MIR2052HG: variants seen among roughly 807,000 people sequenced by gnomAD.
MIR2052HG encodes MIR2052 host gene.
chr8:74,678,540 G>A lies in MIR2052HG; in HGVS notation n.217-23839G>A, dbSNP rs1809080795. Among the ~76,000 whole-genome samples, 3 of 142,308 alleles carry A rather than the reference G, an allele frequency of 2.1e-5. No homozygotes were observed. In the Admixed American group the frequency reaches 2.2e-4, roughly 10 times the overall value. The allele number at this position is 142,308 out of a possible 152,430, so 93.4% of individuals were successfully genotyped here. A position where few individuals can be genotyped will look rare whatever the true frequency, so the allele number is the denominator to read the frequency against. On this transcript the variant is annotated intron_variant and non_coding_transcript_variant, in intron 2 of 6. Transcript: ENST00000523442. ...ATTGTGCCATTGCACTCCAGCCTGG[G>A]CGATAAGATCTAGAGTTTGTCTCAA...
intron 2 of MIR2052HG, among the ~76,000 whole-genome samples, chr8:74,679,746 T>C (rs1177909621): frequency 6.6e-6 from 1 of 151,928 alleles, no homozygotes; most frequent in African/African-American, 2.4e-5. Flanking sequence ...TTCACCATGT[T>C]CGCCAGGCTG....
At chr8:74,602,849 C>CTTTCTTTCTTTCTTTCTTTCT (rs1554570047) in intron 1 of MIR2052HG, among the ~76,000 whole-genome samples, 39 of 142,832 alleles carry the variant, frequency 2.7e-4, no homozygotes, top group East Asian at 4.1e-4. Context: ...TTCTTTCTTT[C>CTTTCTTTCTTTCTTTCTTTCT]TTTCTTTCTT....
chr8:74,624,214 C>T (rs780574591), intron 2 of MIR2052HG, among the ~76,000 whole-genome samples: 2 of 152,184 alleles, frequency 1.3e-5, no homozygotes, highest in African/African-American at 4.8e-5. Flanking sequence ...AGGGCACCAC[C>T]CAAGGGCCAA....
At chr8:74,689,840 C>T (rs1167769411) in intron 2 of MIR2052HG, among the ~76,000 whole-genome samples, 1 of 152,152 alleles carries the variant, frequency 6.6e-6, no homozygotes, top group Non-Finnish European at 1.5e-5. Context: ...ATTCTGAACA[C>T]TATGGGAGAT....
At chr8:74,620,979 G>T (rs777411665) in intron 2 of MIR2052HG, among the ~76,000 whole-genome samples, 2 of 152,154 alleles carry the variant, frequency 1.3e-5, no homozygotes, top group African/African-American at 2.4e-5. Flanking sequence ...AAATACTCTA[G>T]ATCATCTCTT....
Position 74,689,117 on chromosome 8 carries a change from C to A in MIR2052HG, n.217-13262C>A, listed in dbSNP as rs557245715. On this transcript the variant is annotated intron_variant and non_coding_transcript_variant, in intron 2 of 6. Transcript: ENST00000523442. Reference sequence around the variant, plus strand: ...TTGTTCTTTCTGTGCTGTGCAGATACAACCATACGTGGTTGTATTTTGTAG... The same window carrying A: ...TTGTTCTTTCTGTGCTGTGCAGATAAAACCATACGTGGTTGTATTTTGTAG... 1.1e-4 allele frequency among the ~76,000 whole-genome samples: 16 copies of A among 152,240 alleles called. 1 individual carries two copies. The South Asian group carries it at 3.3e-3, about 32-fold the overall frequency.
At chr8:74,748,425 A>G (rs114762896) in intron 4 of MIR2052HG, among the ~76,000 whole-genome samples, 2,024 of 152,318 alleles carry the variant, frequency 0.013, 52 homozygotes, top group African/African-American at 0.046. Flanking sequence ...GTTGAACACC[A>G]CTAGTGGAGA....
intron 4 of MIR2052HG, among the ~76,000 whole-genome samples, chr8:74,718,530 T>G (rs1809543350): frequency 6.6e-6 from 1 of 152,140 alleles, no homozygotes; most frequent in Non-Finnish European, 1.5e-5. Context: ...TTTAAAGGAA[T>G]AAACCAGAAG....
chr8:74,735,033 C>T (rs904441247), intron 4 of MIR2052HG, among the ~76,000 whole-genome samples: 9 of 152,202 alleles, frequency 5.9e-5, no homozygotes, highest in African/African-American at 1.7e-4. Flanking sequence ...ATTCAAATCA[C>T]ATTTTGCTTT....
intron 2 of MIR2052HG, among the ~76,000 whole-genome samples, chr8:74,701,222 T>TA (rs1408826541): frequency 1.3e-5 from 2 of 152,140 alleles, no homozygotes; most frequent in African/African-American, 2.4e-5. Flanking sequence ...GTTCTTAGTT[T>TA]AAAAAACATT....
Position 74,727,361 on chromosome 8 carries a change from C to T in MIR2052HG, n.371+23679C>T, listed in dbSNP as rs569743740. ...GATTTACATGGATCCCTTATTACAC[C>T]TATTCCCATGATTGCACATTAACTA... On this transcript the variant is annotated intron_variant and non_coding_transcript_variant, in intron 4 of 6. Transcript: ENST00000523442. Among the ~76,000 whole-genome samples, 6 of 152,262 alleles carry T rather than the reference C, an allele frequency of 3.9e-5. No individual in the cohort carries two copies. The South Asian group carries it at 1.0e-3, about 26-fold the overall frequency.
chr8:74,726,428 G>A (rs1425777), intron 4 of MIR2052HG, among the ~76,000 whole-genome samples: 34,958 of 152,092 alleles, frequency 0.23, 5,174 homozygotes, highest in East Asian at 0.64. Flanking sequence ...AGTACCAAGC[G>A]ATTGGTAAGA....
At chr8:74,753,979 A>C (rs1263718978) in intron 5 of MIR2052HG, among the ~76,000 whole-genome samples, 1 of 152,192 alleles carries the variant, frequency 6.6e-6, no homozygotes, top group Non-Finnish European at 1.5e-5. Flanking sequence ...AATGTTACCA[A>C]TAATGGGCTG....
intron 2 of MIR2052HG, among the ~76,000 whole-genome samples, chr8:74,663,058 A>G (rs952191171): frequency 6.6e-6 from 1 of 152,200 alleles, no homozygotes; most frequent in Non-Finnish European, 1.5e-5. Context: ...ATTAATAAAT[A>G]AACTATAAAA....
chr8:74,599,843 G>T (rs1457436873), exon 1 of MIR2052HG: 1 of 158,698 alleles, frequency 6.3e-6, no homozygotes, highest in African/African-American at 2.4e-5. Flanking sequence ...CCGCCTTGCA[G>T]TTTGATCTCA....
chr8:74,603,214 G>C, intron 1 of MIR2052HG: 1 of 1,148,848 alleles, frequency 8.7e-7, no homozygotes, highest in South Asian at 1.2e-5. Flanking sequence ...ATCGCTGACT[G>C]TTCAGAAACT....
At chr8:74,622,308 T>C (rs1410545283) in intron 2 of MIR2052HG, among the ~76,000 whole-genome samples, 1 of 152,174 alleles carries the variant, frequency 6.6e-6, no homozygotes, top group African/African-American at 2.4e-5. Flanking sequence ...AACATGTATA[T>C]GAAAAAAAAT....
At chr8:74,705,763 A>G (rs1211741009) in intron 4 of MIR2052HG, 2 of 170,260 alleles carry the variant, frequency 1.2e-5, no homozygotes, top group Non-Finnish European at 2.9e-5. Context: ...AGTCCATAGC[A>G]GACTAACTCC....
chr8:74,604,195 C>T (rs1178207283), intron 1 of MIR2052HG: 2 of 893,478 alleles, frequency 2.2e-6, no homozygotes, highest in Admixed American at 1.7e-5. Context: ...CATAAGTAGT[C>T]GGATGGTGAG....
Sources: allele counts gnomAD v4.1 joint callset (sites outside exome capture counted in the v4.1 genomes callset), GRCh38; gene constraint gnomAD v4.1.1; transcripts MANE v1.5; gene names NCBI Gene and HGNC (gene_info 2026-07-23, HGNC 2026-07-21).